Variants in SLC35F4 observed in about 807,000 individuals in gnomAD.
SLC35F4 encodes the protein solute carrier family 35 member F4, also known as chromosome 14 open reading frame 36.
Under a neutral mutation model 44.2 loss-of-function variants are expected in SLC35F4, and 24 were observed. The ratio of observed to expected loss-of-function variants is 0.54; its 90% CI spans 0.39 to 0.76. The LOEUF (loss-of-function observed/expected upper bound fraction) is 0.76, where lower values mean the gene tolerates loss of function less well. Ranked by LOEUF, SLC35F4 falls within the 30% of genes least tolerant of loss-of-function variation. SLC35F4 has a pLI of 0.00. For missense variants in SLC35F4, 562 were observed against 586.1 expected, an observed-to-expected ratio of 0.96 and a Z score of 0.42; for synonymous variants, 238 against 223.6, an observed-to-expected ratio of 1.06 and a Z score of -0.57.
intron 1 of SLC35F4, among the ~76,000 whole-genome samples, chr14:57,777,924 G>A (rs560967576): frequency 6.6e-6 from 1 of 152,126 alleles, no homozygotes; most frequent in South Asian, 2.1e-4. Flanking sequence ...CAAAGCAAAT[G>A]GGGAACAGAA....
At chr14:57,796,884 T>C (rs1038989032) in intron 1 of SLC35F4, among the ~76,000 whole-genome samples, 42 of 152,200 alleles carry the variant, frequency 2.8e-4, no homozygotes, top group Non-Finnish European at 5.6e-4. Flanking sequence ...ACTGGGAATC[T>C]CAGATGACAG....
At chr14:57,925,532 AGGG>A (rs1889550164) in intron 1 of SLC35F4, among the ~76,000 whole-genome samples, 2 of 44,940 alleles carry the variant, frequency 4.5e-5, no homozygotes, top group Non-Finnish European at 8.6e-5. Context: ...GGAGGGAGGG[AGGG>A]AGGGAGGGAG....
chr14:57,599,148 C>T (rs1050727351), intron 1 of SLC35F4, among the ~76,000 whole-genome samples: 1 of 152,210 alleles, frequency 6.6e-6, no homozygotes, highest in African/African-American at 2.4e-5. Flanking sequence ...GCAAATTATG[C>T]TTAACCATAA....
Position 57,630,100 on chromosome 14 carries a change from G to A in SLC35F4, c.104-35976C>T, listed in dbSNP as rs112057400. 9 of 545,494 alleles carry A rather than the reference G, an allele frequency of 1.6e-5. 1 individual carries two copies. The highest frequency in any genetic ancestry group is 9.5e-5 in the African/African-American group (5 of 52,368). 33.8% of individuals were successfully genotyped at this position (545,494 alleles called of 1,614,324 possible). A position where few individuals can be genotyped will look rare whatever the true frequency, so the allele number is the denominator to read the frequency against. The stretch of plus-strand genomic sequence containing the variant: ...TGAGGATGTTTGTGATGCTGAAGAT[G>A]CTTACATAATTTGGACAGAAAGTGG... On this transcript the variant is annotated intron_variant, in intron 1 of 7. Transcript: ENST00000556826.
At chr14:57,696,925 T>TG (rs939165945) in intron 1 of SLC35F4, among the ~76,000 whole-genome samples, 20 of 151,796 alleles carry the variant, frequency 1.3e-4, no homozygotes, top group South Asian at 4.2e-4. Context: ...TCCGGGGTTG[T>TG]GGGGGAAAGG....
At chr14:57,699,350 C>T (rs949933371) in intron 1 of SLC35F4, among the ~76,000 whole-genome samples, 4 of 152,080 alleles carry the variant, frequency 2.6e-5, no homozygotes, top group African/African-American at 9.7e-5. Context: ...AAGAGGCCCC[C>T]AAGCTTTTAT....
chr14:57,644,511 T>C (rs2073408947), intron 1 of SLC35F4, among the ~76,000 whole-genome samples: 1 of 152,074 alleles, frequency 6.6e-6, no homozygotes, highest in Non-Finnish European at 1.5e-5. Flanking sequence ...ATTCTGGATA[T>C]TAGCCCTTTG....
downstream of SLC35F4, among the ~76,000 whole-genome samples, chr14:57,972,450 G>T (rs939339013): frequency 5.3e-5 from 8 of 151,692 alleles, no homozygotes; most frequent in Non-Finnish European, 4.4e-5. Context: ...CTAAATTTTT[G>T]AGATAAACTA....
chr14:57,725,055 T>C (rs1010025842), intron 1 of SLC35F4, among the ~76,000 whole-genome samples: 1 of 152,128 alleles, frequency 6.6e-6, no homozygotes, highest in African/African-American at 2.4e-5. Context: ...GTAAAAAAAC[T>C]GTGAGGATAC....
intron 1 of SLC35F4, among the ~76,000 whole-genome samples, chr14:57,654,973 T>A (rs2073912770): frequency 1.3e-5 from 2 of 152,156 alleles, no homozygotes; most frequent in Non-Finnish European, 2.9e-5. Context: ...TTTTAAGGTG[T>A]GTCATAGCTT....
chr14:57,850,570 G>A (rs1339060722), intron 1 of SLC35F4, among the ~76,000 whole-genome samples: 1 of 152,140 alleles, frequency 6.6e-6, no homozygotes, highest in African/African-American at 2.4e-5. Context: ...ATTCAGTAAG[G>A]AGAAACTGAT....
intron 1 of SLC35F4, among the ~76,000 whole-genome samples, chr14:57,949,116 T>C (rs747908894): frequency 6.6e-6 from 1 of 152,264 alleles, no homozygotes; most frequent in Non-Finnish European, 1.5e-5. Context: ...TCTAGTGCTG[T>C]CAATGAGATA....
intron 1 of SLC35F4, among the ~76,000 whole-genome samples, chr14:57,652,612 C>G (rs1356789047): frequency 6.6e-6 from 1 of 152,020 alleles, no homozygotes; most frequent in Non-Finnish European, 1.5e-5. Flanking sequence ...AAACAGCCTA[C>G]AGTGCAGAGG....
intron 1 of SLC35F4, among the ~76,000 whole-genome samples, chr14:57,946,236 T>G (rs951701526): frequency 9.2e-5 from 14 of 152,148 alleles, no homozygotes; most frequent in African/African-American, 3.1e-4. Flanking sequence ...CAATGTTATC[T>G]TCTAGAATTT....
intron 1 of SLC35F4, among the ~76,000 whole-genome samples, chr14:57,682,529 C>T (rs1311600450): frequency 1.3e-5 from 2 of 151,788 alleles, no homozygotes; most frequent in Non-Finnish European, 2.9e-5. Context: ...AGGAGAAATA[C>T]ATAATGTAGA....
At chr14:57,633,493 T>C (rs2072881367) in intron 1 of SLC35F4, among the ~76,000 whole-genome samples, 1 of 152,150 alleles carries the variant, frequency 6.6e-6, no homozygotes, top group Non-Finnish European at 1.5e-5. Context: ...TGTGAAAGAA[T>C]ACTAACTTTT....
intron 1 of SLC35F4, among the ~76,000 whole-genome samples, chr14:57,827,015 C>A (rs759804202): frequency 4.6e-5 from 7 of 152,028 alleles, no homozygotes; most frequent in Non-Finnish European, 8.8e-5. Flanking sequence ...TGGGTATATA[C>A]CCAGAGGAAT....
intron 1 of SLC35F4, among the ~76,000 whole-genome samples, chr14:57,644,135 T>A (rs1415904777): frequency 9.9e-5 from 15 of 152,192 alleles, no homozygotes; most frequent in Admixed American, 9.8e-4. Flanking sequence ...ATATACCCAG[T>A]AATGGGATGG....
At chr14:57,565,930 A>G (rs957286858) in intron 7 of SLC35F4, among the ~76,000 whole-genome samples, 5 of 152,206 alleles carry the variant, frequency 3.3e-5, no homozygotes, top group Non-Finnish European at 5.9e-5. Context: ...ATCCATTTGC[A>G]TTACTTGTTT....
Sources: gnomAD v4.1 joint callset for allele counts (sites outside exome capture counted in the v4.1 genomes callset) on GRCh38, gnomAD v4.1.1 for gene constraint, MANE v1.5 for transcripts, NCBI Gene and HGNC (gene_info 2026-07-23, HGNC 2026-07-21) for gene names.